The following DHX57 variants were observed in gnomAD, a reference collection of about 807,000 sequenced individuals.
DHX57 encodes the protein putative ATP-dependent RNA helicase DHX57.
In DHX57, 105 loss-of-function variants were observed where a neutral mutation model predicts 156.2. The observed-to-expected ratio is 0.67, with a 90% confidence interval of 0.57 to 0.79. The LOEUF is 0.79. Among genes scored for constraint, DHX57 ranks in the 30% least tolerant of loss-of-function variants. The probability of loss-of-function intolerance (pLI) is 0.00; values close to 1 mark genes in which losing one functional copy is unlikely to be tolerated. For missense variants in DHX57, 1,847 were observed against 1,661.9 expected (o/e 1.11, Z -1.94); for synonymous variants, 704 against 595.6 (o/e 1.18, Z -2.65).
At chr2:38,824,374 C>T (rs551585208) in intron 16 of DHX57, among the ~76,000 whole-genome samples, 1 of 152,230 alleles carries the variant, frequency 6.6e-6, no homozygotes, top group African/African-American at 2.4e-5. Flanking sequence ...TGGAGAGTTG[C>T]AGTCCAATAG....
intron 8 of DHX57, chr2:38,854,403 G>C (rs1672772296): frequency 5.6e-6 from 2 of 355,470 alleles, no homozygotes; most frequent in Non-Finnish European, 1.0e-5. Context: ...TTAAAAAACA[G>C]TGAATAATGA....
chr2:38,853,845 A>G (rs1672740319), intron 9 of DHX57: 1 of 386,616 alleles, frequency 2.6e-6, no homozygotes, highest in Admixed American at 4.0e-5. Flanking sequence ...GGATGACTCC[A>G]TCTAATAAGT....
At position 38,806,686 on chromosome 2, in the gene DHX57, C is replaced by T. The variant is rs757431033; in HGVS notation, c.3689G>A (p.Ser1230Asn). Residue 1230 changes from serine to asparagine, a missense_variant, in exon 22 of 24, where the codon AGC becomes AAC. By Grantham distance (46) the Ser-to-Asn change is conservative (BLOSUM62 1). Coordinates refer to ENST00000457308, the MANE Select transcript of DHX57 (RefSeq NM_198963.3). ...GGTCTTCTGAAATTTTCCTTCTGGG[C>T]TTTTCACCTAAACAACAAGTATTTG... Reference protein sequence around the residue: ...ALYPNVVQVKSPEGKFQKTST... With the variant: ...ALYPNVVQVKNPEGKFQKTST... The T allele has an allele frequency of 1.1e-5, 18 of 1,613,702 alleles. No individual in the cohort carries two copies. The highest frequency in any genetic ancestry group is 1.5e-5 in the Non-Finnish European group (18 of 1,179,862).
rs139513185 is a variant in DHX57 at position 38,815,532 on chromosome 2, T to C, written c.3595A>G (p.Thr1199Ala). Residue 1199 changes from threonine (T) to alanine (A), a missense_variant, in exon 20 of 24, where the codon ACA becomes GCA. By Grantham distance (58) the Thr-to-Ala change is moderately conservative. Transcript: ENST00000457308. ...AQGGDGVLDA[T>A]GEEANSNAEN... The stretch of plus-strand genomic sequence containing the variant: ...TCCACATTCTTTACCTCTTCTCCTG[T>C]GGCATCTAAGACACCATCTCCTCCT... 9 of 1,614,000 alleles carry C rather than the reference T, an allele frequency of 5.6e-6. No individual in the cohort carries two copies. Among genetic ancestry groups the C allele is most frequent in the Non-Finnish European group, 7.6e-6 (9 of 1,179,986 alleles).
In DHX57 at chr2:38,797,808, T is replaced by C. The variant is rs1469035709; in HGVS notation, c.*491A>G. On this transcript the variant is annotated 3_prime_UTR_variant, in exon 24 of 24. Coordinates refer to ENST00000457308, the MANE Select transcript of DHX57 (RefSeq NM_198963.3). ...TTACTCAGTAGCCAATAGCCTAAAATGAAATTTTAATTTTGCTTGTTCACA... is the reference window on the plus strand; with the variant it reads ...TTACTCAGTAGCCAATAGCCTAAAACGAAATTTTAATTTTGCTTGTTCACA... 6.3e-6 allele frequency: 1 copy of C among 158,230 alleles called. No individual in the cohort carries two copies. The highest frequency in any genetic ancestry group is 1.5e-5 in the Non-Finnish European group (1 of 68,276). The allele number at this position is 158,230 out of a possible 1,614,324, so 9.8% of individuals were successfully genotyped here.
chr2:38,803,139 T>G, intron 22 of DHX57: 2 of 536,982 alleles, frequency 3.7e-6, no homozygotes, highest in Non-Finnish European at 6.5e-6. Context: ...AAAAAAAGCT[T>G]TTATTTTTTA....
intron 21 of DHX57, among the ~76,000 whole-genome samples, chr2:38,810,199 T>C (rs1423763301): frequency 1.4e-5 from 2 of 147,120 alleles, no homozygotes; most frequent in African/African-American, 5.1e-5. Context: ...CTGGCCTTAG[T>C]CTTTTTTTTT....
At chr2:38,851,665 A>C (rs1294936845) in intron 9 of DHX57, among the ~76,000 whole-genome samples, 1 of 152,206 alleles carries the variant, frequency 6.6e-6, no homozygotes, top group Admixed American at 6.5e-5. Flanking sequence ...CCAGGAACCA[A>C]ATCCAGTGCT....
intron 2 of DHX57, among the ~76,000 whole-genome samples, chr2:38,865,411 T>C (rs571939849): frequency 1.3e-5 from 2 of 152,310 alleles, no homozygotes; most frequent in Non-Finnish European, 2.9e-5. Flanking sequence ...TGAAGAAGGA[T>C]GCTTTTGCTT....
chr2:38,843,861 G>A (rs1336071263), intron 11 of DHX57, among the ~76,000 whole-genome samples: 1 of 152,168 alleles, frequency 6.6e-6, no homozygotes, highest in Non-Finnish European at 1.5e-5. Flanking sequence ...GCATAGGTAA[G>A]TGGCTCGATT....
chr2:38,806,509 T>G (rs1669942043), intron 22 of DHX57, 50 bp downstream of exon 22: 9 of 1,594,788 alleles, frequency 5.6e-6, no homozygotes, highest in Non-Finnish European at 7.7e-6. Context: ...GAATTGCATT[T>G]CCTACCCCAG....
In DHX57 at chr2:38,861,823, G is replaced by A. The variant is rs1267225871; in HGVS notation, c.587C>T (p.Thr196Ile). The A allele has an allele frequency of 3.1e-6, 5 of 1,602,290 alleles. No homozygotes were observed. The highest frequency in any genetic ancestry group is 4.3e-6 in the Non-Finnish European group (5 of 1,174,072). ...CCTCAGGACCGCTTGACAGCGTTCA[G>A]TATTGAAACCATACCTGTCAAGGGC... ...VQKLSRYGFN[T>I]ERCQAVLRMC... The change falls in exon 5 of 24, where the codon ACT (threonine) becomes ATT (isoleucine). Residue 196 changes from threonine to isoleucine, a missense_variant. Thr to Ile is a moderately conservative substitution (Grantham distance 89, BLOSUM62 -1). Transcript: ENST00000457308.
chr2:38,802,922 CAAAA>C lies in DHX57; in HGVS notation c.3817-11_3817-8del, dbSNP rs753525677. On this transcript the variant is annotated splice_polypyrimidine_tract_variant and splice_region_variant and intron_variant, in intron 22 of 23. Transcript: ENST00000457308. ...GGCTGTCAAAGTGTCTCACCTGTAA[CAAAA>C]AACCTCAGATGATGACAGTGATGTC... 3 of 1,613,570 alleles carry C rather than the reference CAAAA, an allele frequency of 1.9e-6. No individual in the cohort carries two copies. The highest frequency in any genetic ancestry group is 2.7e-5 in the African/African-American group (2 of 74,850).
At chr2:38,832,568 C>A (rs1424925570) in intron 13 of DHX57, among the ~76,000 whole-genome samples, 1 of 148,428 alleles carries the variant, frequency 6.7e-6, no homozygotes. Context: ...TTTTTAGAGA[C>A]AGAGTCTTGC....
intron 9 of DHX57, among the ~76,000 whole-genome samples, chr2:38,852,439 T>C (rs1377230992): frequency 3.3e-5 from 5 of 151,752 alleles, no homozygotes; most frequent in East Asian, 1.9e-4. Flanking sequence ...AAGATATTTA[T>C]TGTGGTACAA....
intron 13 of DHX57, among the ~76,000 whole-genome samples, chr2:38,834,338 A>C (rs1558378887): frequency 6.6e-6 from 1 of 151,814 alleles, no homozygotes; most frequent in Non-Finnish European, 1.5e-5. Context: ...TCTCAAAAAA[A>C]AAAAAAAAAA....
Position 38,849,255 on chromosome 2 carries a change from T to C in DHX57, c.2031-853A>G, listed in dbSNP as rs1303782895. Among the ~76,000 whole-genome samples the C allele has an allele frequency of 3.9e-5, 6 of 152,222 alleles. No homozygotes were observed. The South Asian group carries it at 1.2e-3, about 32-fold the overall frequency. ...AGGAATAAGGTAGAGCTCTAGAAAA[T>C]AACATGAAAACATCTCTAAGACATA... is the stretch of plus-strand genomic sequence containing the variant. On this transcript the variant is annotated intron_variant, in intron 9 of 23. Coordinates refer to ENST00000457308, the MANE Select transcript of DHX57 (RefSeq NM_198963.3).
chr2:38,818,219 G>A (rs1239563469), intron 19 of DHX57, among the ~76,000 whole-genome samples: 1 of 152,068 alleles, frequency 6.6e-6, no homozygotes, highest in Non-Finnish European at 1.5e-5. Flanking sequence ...AGGGGCTTAG[G>A]GATTCAGGTT....
chr2:38,828,438 T>G lies in DHX57; in HGVS notation c.2543-2A>C. 1 of 1,602,962 alleles carries G rather than the reference T, an allele frequency of 6.2e-7. No individual in the cohort carries two copies. The highest frequency in any genetic ancestry group is 8.5e-7 in the Non-Finnish European group (1 of 1,174,594). ...CTGGTAAAAATACAAGTATAGCACC[T>G]GGGTATATAAAAAGAATCAATATGT... On this transcript the variant is annotated splice_acceptor_variant, in intron 13 of 23. Coordinates refer to ENST00000457308, the MANE Select transcript of DHX57 (RefSeq NM_198963.3). LOFTEE classifies it high-confidence loss of function.
Sources: allele counts gnomAD v4.1 joint callset (sites outside exome capture counted in the v4.1 genomes callset), GRCh38; gene constraint gnomAD v4.1.1; transcripts MANE v1.5; gene names NCBI Gene and HGNC (gene_info 2026-07-23, HGNC 2026-07-21).